The following ASTN2 variants were observed in gnomAD, a reference collection of about 807,000 sequenced individuals.
ASTN2 encodes the protein astrotactin 2.
ASTN2 carries 54 observed loss-of-function variants against 139.8 expected under a neutral mutation model. The ratio of observed to expected loss-of-function variants is 0.39; its 90% CI spans 0.31 to 0.48. The LOEUF is 0.48. Among genes scored for constraint, ASTN2 ranks in the 20% least tolerant of loss-of-function variants. The pLI is 0.95. For missense variants in ASTN2, 1,565 were observed against 1,725.1 expected, an observed-to-expected ratio of 0.91 and a Z score of 1.64; for synonymous variants, 756 against 719.5, an observed-to-expected ratio of 1.05 and a Z score of -0.81.
At chr9:117,017,001 G>A (rs965883141) in intron 6 of ASTN2, among the ~76,000 whole-genome samples, 1 of 151,620 alleles carries the variant, frequency 6.6e-6, no homozygotes, top group African/African-American at 2.4e-5. Context: ...AATTCTGCAT[G>A]CCTTTATGTA....
chr9:116,930,403 G>C (rs900672859), intron 10 of ASTN2, among the ~76,000 whole-genome samples: 1 of 152,114 alleles, frequency 6.6e-6, no homozygotes, highest in Non-Finnish European at 1.5e-5. Flanking sequence ...GGGTTATGCT[G>C]GTGTGGACTG....
intron 2 of ASTN2, among the ~76,000 whole-genome samples, chr9:117,229,686 G>A (rs866742666): frequency 7.9e-5 from 12 of 152,250 alleles, no homozygotes; most frequent in East Asian, 3.9e-4. Flanking sequence ...TCACACAGCC[G>A]TCTCCAACCC....
chr9:116,768,161 A>T (rs1829858471), intron 13 of ASTN2, among the ~76,000 whole-genome samples: 1 of 152,186 alleles, frequency 6.6e-6, no homozygotes, highest in South Asian at 2.1e-4. Flanking sequence ...TTCTTGTTAA[A>T]TTCTTCTTTG....
intron 19 of ASTN2, among the ~76,000 whole-genome samples, chr9:116,565,162 T>C (rs1405498701): frequency 6.6e-6 from 1 of 150,920 alleles, no homozygotes; most frequent in African/African-American, 2.4e-5. Context: ...TACACATGCA[T>C]GTATATATGA....
intron 16 of ASTN2, among the ~76,000 whole-genome samples, chr9:116,712,802 A>C (rs753509896): frequency 2.6e-5 from 4 of 152,228 alleles, no homozygotes; most frequent in Non-Finnish European, 5.9e-5. Context: ...TATACCTTTC[A>C]TTGTGTGTTA....
intron 4 of ASTN2, 119 bp from the exon 5 acceptor site, chr9:117,096,270 A>C: frequency 1.3e-6 from 1 of 742,252 alleles, no homozygotes; most frequent in East Asian, 2.7e-5. Context: ...AATCCCAAGC[A>C]ACCCAGGAGT....
intron 10 of ASTN2, among the ~76,000 whole-genome samples, chr9:116,904,350 G>T (rs1834100136): frequency 6.6e-6 from 1 of 152,158 alleles, no homozygotes; most frequent in South Asian, 2.1e-4. Context: ...GACAGTCTGA[G>T]GAATAACCAT....
At chr9:116,971,215 T>C (rs1216145668) in intron 10 of ASTN2, among the ~76,000 whole-genome samples, 1 of 152,210 alleles carries the variant, frequency 6.6e-6, no homozygotes, top group Non-Finnish European at 1.5e-5. Flanking sequence ...CTGGCATCGT[T>C]AGTGTCTCAA....
At chr9:117,298,116 C>G (rs992939659) in intron 1 of ASTN2, among the ~76,000 whole-genome samples, 2 of 152,162 alleles carry the variant, frequency 1.3e-5, no homozygotes, top group African/African-American at 4.8e-5. Flanking sequence ...GCTCAAAACC[C>G]TCCAATGTTT....
At chr9:116,897,508 T>C (rs1038982471) in intron 10 of ASTN2, among the ~76,000 whole-genome samples, 47 of 152,330 alleles carry the variant, frequency 3.1e-4, no homozygotes, top group Middle Eastern at 3.4e-3. Context: ...TGCTTGAACA[T>C]ACACACAAAG....
At chr9:116,569,033 G>A (rs1484014888) in intron 19 of ASTN2, 1 of 152,192 alleles carries the variant, frequency 6.6e-6, no homozygotes, top group East Asian at 1.9e-4. Context: ...GGAAGCAGAT[G>A]AGAGGTTCAG....
intron 11 of ASTN2, among the ~76,000 whole-genome samples, chr9:116,853,746 TC>T (rs150424960): frequency 6.6e-6 from 1 of 152,290 alleles, no homozygotes; most frequent in African/African-American, 2.4e-5. Context: ...GCTCTATTGC[TC>T]CTTTTGAAAA....
chr9:116,716,623 G>C (rs568796650), intron 16 of ASTN2, among the ~76,000 whole-genome samples: 1 of 152,154 alleles, frequency 6.6e-6, no homozygotes, highest in Non-Finnish European at 1.5e-5. Flanking sequence ...TTTCCACTGA[G>C]CAGAGTCCTG....
chr9:117,017,956 A>AT (rs1564386869), intron 6 of ASTN2, among the ~76,000 whole-genome samples: 1 of 99,354 alleles, frequency 1.0e-5, no homozygotes, highest in Non-Finnish European at 2.4e-5. Context: ...TATCAGTCTC[A>AT]TTAAAAAAAA....
intron 19 of ASTN2, among the ~76,000 whole-genome samples, chr9:116,514,672 C>T (rs988448973): frequency 4.6e-5 from 7 of 152,166 alleles, no homozygotes; most frequent in South Asian, 2.1e-4. Context: ...GCTTCCCAGC[C>T]GCTTTGTTTA....
chr9:117,399,314 G>A (rs1367693377), intron 1 of ASTN2, among the ~76,000 whole-genome samples: 1 of 152,110 alleles, frequency 6.6e-6, no homozygotes, highest in Non-Finnish European at 1.5e-5. Flanking sequence ...GAAGGAGTGA[G>A]GGAATATTCA....
At chr9:116,472,961 C>T (rs2119017529) in intron 20 of ASTN2, among the ~76,000 whole-genome samples, 1 of 151,884 alleles carries the variant, frequency 6.6e-6, no homozygotes, top group South Asian at 2.1e-4. Context: ...ATGGTTCTGC[C>T]ATTTACTAAT....
intron 17 of ASTN2, among the ~76,000 whole-genome samples, chr9:116,632,185 G>GAGAGGGA (rs1564168833): frequency 2.1e-5 from 1 of 48,712 alleles, no homozygotes; most frequent in Admixed American, 2.3e-4. Flanking sequence ...AGAGAGAGAG[G>GAGAGGGA]GAGAGAGAGA....
At chr9:116,506,368 C>G (rs1224436269) in intron 19 of ASTN2, among the ~76,000 whole-genome samples, 4 of 152,178 alleles carry the variant, frequency 2.6e-5, no homozygotes, top group African/African-American at 7.2e-5. Context: ...AAATCCAAAG[C>G]TCTTTGTATT....
Sources: gnomAD v4.1 joint callset for allele counts (sites outside exome capture counted in the v4.1 genomes callset) on GRCh38, gnomAD v4.1.1 for gene constraint, MANE v1.5 for transcripts, NCBI Gene and HGNC (gene_info 2026-07-23, HGNC 2026-07-21) for gene names.